The following ALK variants were observed in gnomAD, a reference collection of about 807,000 sequenced individuals.
ALK encodes the protein ALK tyrosine kinase receptor.
In ALK, 74 loss-of-function variants were observed where a neutral mutation model predicts 163.1. The observed-to-expected ratio is 0.45, with a 90% CI of 0.38 to 0.55. The LOEUF (loss-of-function observed/expected upper bound fraction) is 0.55. Among genes scored for constraint, ALK ranks in the 20% least tolerant of loss-of-function variants. The pLI, the probability that ALK is intolerant of heterozygous loss-of-function variation, is 0.00. For synonymous variants in ALK, 960 were observed against 843.2 expected (o/e 1.14, Z -2.40); for missense variants, 2,063 against 2,105.3 (o/e 0.98, Z 0.39).
intron 1 of ALK, among the ~76,000 whole-genome samples, chr2:29,748,567 T>A (rs1361417236): frequency 6.6e-6 from 1 of 152,104 alleles, no homozygotes; most frequent in Non-Finnish European, 1.5e-5. Context: ...TTTCTAAAAT[T>A]CACTGGGTGA....
At chr2:29,296,823 CATG>C (rs1260539771) in intron 9 of ALK, 62 bp downstream of exon 9, 7 of 1,604,920 alleles carry the variant, frequency 4.4e-6, no homozygotes, top group Non-Finnish European at 6.0e-6. Context: ...AAAGGGAAGG[CATG>C]ATTTCTTTTT....
At chr2:29,817,805 G>A (rs1056388700) in intron 1 of ALK, among the ~76,000 whole-genome samples, 1 of 152,164 alleles carries the variant, frequency 6.6e-6, no homozygotes, top group African/African-American at 2.4e-5. Context: ...CCCCTGATGC[G>A]GAAATGGAAG....
intron 3 of ALK, among the ~76,000 whole-genome samples, chr2:29,609,340 C>A (rs955976500): frequency 4.6e-5 from 7 of 152,070 alleles, no homozygotes; most frequent in Non-Finnish European, 8.8e-5. Context: ...GCAAGCCTGC[C>A]CTTCCATGCT....
chr2:29,442,062 T>TA (rs1220817033), intron 4 of ALK, among the ~76,000 whole-genome samples: 3 of 152,174 alleles, frequency 2.0e-5, no homozygotes, highest in African/African-American at 7.2e-5. Context: ...AGCAGGCTCA[T>TA]AGGTGCACCG....
At chr2:29,594,722 C>T (rs112279950) in intron 3 of ALK, among the ~76,000 whole-genome samples, 317 of 151,966 alleles carry the variant, frequency 2.1e-3, no homozygotes, top group African/African-American at 7.3e-3. Context: ...CCACTGCACC[C>T]AGCCAAGTCT....
In ALK at chr2:29,756,282, G is replaced by T. The variant is rs146998118; in HGVS notation, c.668-38585C>A. 3.6e-3 allele frequency among the ~76,000 whole-genome samples: 552 copies of T among 152,254 alleles called. 1 individual carries two copies. Among genetic ancestry groups the T allele is most frequent in the Non-Finnish European group, 5.5e-3 (377 of 68,024 alleles). On this transcript the variant is annotated intron_variant, in intron 1 of 28. Coordinates refer to ENST00000389048, the MANE Select transcript of ALK (RefSeq NM_004304.5). ...TTCCGGACCTTTTAAATGCTCTCAA[G>T]ACTCCCAGGACTTTTGTTAACAACT...
At chr2:29,548,974 A>G (rs1178420879) in intron 3 of ALK, among the ~76,000 whole-genome samples, 1 of 152,132 alleles carries the variant, frequency 6.6e-6, no homozygotes, top group Non-Finnish European at 1.5e-5. Context: ...TAACCCATTA[A>G]TGGGCCATGA....
chr2:29,755,037 G>C (rs79745207), intron 1 of ALK, among the ~76,000 whole-genome samples: 36 of 151,612 alleles, frequency 2.4e-4, no homozygotes, highest in African/African-American at 8.4e-4. Flanking sequence ...TTGGTTGCCT[G>C]TGAAGGAATG....
rs139086136 is a variant in ALK at position 29,193,860 on chromosome 2, C to T, written c.4227G>A (p.Glu1409=). ...IEYGPLVEEE[E]KVPVRPKDPE... is the part of the protein sequence containing the mutation. ...GGTCCTTGGGCCTCACAGGCACTTT[C>T]TCTTCCTCTTCCACAAGTGGACCAT... Residue 1409 remains glutamate, a synonymous_variant, in exon 29 of 29, where the codon GAG becomes GAA. Transcript: ENST00000389048. The T allele has an allele frequency of 8.1e-6, 13 of 1,613,748 alleles. No individual in the cohort carries two copies. The Admixed American group carries it at 1.2e-4, about 14-fold the overall frequency.
chr2:29,402,572 A>G (rs1012650651), intron 4 of ALK, among the ~76,000 whole-genome samples: 1 of 152,214 alleles, frequency 6.6e-6, no homozygotes, highest in Non-Finnish European at 1.5e-5. Context: ...ACACCGTATA[A>G]TAGGTTTCTA....
chr2:29,435,282 T>C (rs1210767787), intron 4 of ALK, among the ~76,000 whole-genome samples: 1 of 152,062 alleles, frequency 6.6e-6, no homozygotes, highest in Non-Finnish European at 1.5e-5. Context: ...CCATGAACCC[T>C]CCTACTGGAA....
chr2:29,788,826 C>A (rs143156856), intron 1 of ALK, among the ~76,000 whole-genome samples: 15 of 152,142 alleles, frequency 9.9e-5, no homozygotes, highest in African/African-American at 1.9e-4. Context: ...TAAGAAGTAA[C>A]CTTGTTTTCT....
chr2:29,616,910 T>G (rs1398925439), intron 3 of ALK, among the ~76,000 whole-genome samples: 1 of 152,180 alleles, frequency 6.6e-6, no homozygotes, highest in Non-Finnish European at 1.5e-5. Context: ...GAACATGGGA[T>G]GTTTGTTACC....
chr2:29,857,400 A>G (rs1558520889), intron 1 of ALK, among the ~76,000 whole-genome samples: 1 of 152,166 alleles, frequency 6.6e-6, no homozygotes, highest in African/African-American at 2.4e-5. Flanking sequence ...AAAATGTTGG[A>G]AAGAAAAAAA....
intron 4 of ALK, among the ~76,000 whole-genome samples, chr2:29,446,711 T>C (rs1234666296): frequency 6.6e-6 from 1 of 152,158 alleles, no homozygotes; most frequent in Non-Finnish European, 1.5e-5. Flanking sequence ...TTGAAAGCAC[T>C]ATGCAAATGT....
At chr2:29,381,615 T>C (rs1289704642) in intron 5 of ALK, among the ~76,000 whole-genome samples, 1 of 152,170 alleles carries the variant, frequency 6.6e-6, no homozygotes, top group Non-Finnish European at 1.5e-5. Flanking sequence ...TTATCAGAAA[T>C]ATAGACCAGG....
intron 9 of ALK, among the ~76,000 whole-genome samples, chr2:29,295,733 A>G (rs1269673226): frequency 6.6e-6 from 1 of 152,002 alleles, no homozygotes; most frequent in Non-Finnish European, 1.5e-5. Flanking sequence ...ATCACCCTCC[A>G]CCTTGCCTTG....
intron 3 of ALK, among the ~76,000 whole-genome samples, chr2:29,639,225 T>C (rs1676630822): frequency 6.6e-6 from 1 of 152,092 alleles, no homozygotes; most frequent in Non-Finnish European, 1.5e-5. Flanking sequence ...TCACTCACAC[T>C]TCTGGGTCAC....
chr2:29,854,105 AC>A (rs1254104180), intron 1 of ALK, among the ~76,000 whole-genome samples: 1 of 150,894 alleles, frequency 6.6e-6, no homozygotes, highest in East Asian at 2.0e-4. Flanking sequence ...GTCCTCCTCC[AC>A]CCTGCACAGG....
Sources: allele counts gnomAD v4.1 joint callset (sites outside exome capture counted in the v4.1 genomes callset), GRCh38; gene constraint gnomAD v4.1.1; transcripts MANE v1.5; gene names NCBI Gene and HGNC (gene_info 2026-07-23, HGNC 2026-07-21).